The following NLK variants were observed in gnomAD, a reference collection of about 807,000 sequenced individuals.
NLK encodes serine/threonine-protein kinase NLK.
A neutral mutation model predicts 59.0 loss-of-function variants in NLK; 11 were observed. That is an observed-to-expected ratio of 0.19 (90% CI 0.12 to 0.31). The LOEUF is 0.31. Ranked by LOEUF, NLK falls within the 10% of genes least tolerant of loss-of-function variation. The pLI, the probability that NLK is intolerant of heterozygous loss-of-function variation, is 1.00. For missense variants in NLK, 410 were observed against 661.1 expected (o/e 0.62, Z 4.16); for synonymous variants, 235 against 235.9 (o/e 1.00, Z 0.03).
intron 1 of NLK, among the ~76,000 whole-genome samples, chr17:28,046,932 G>C (rs1315770388): frequency 6.6e-6 from 1 of 152,102 alleles, no homozygotes; most frequent in Non-Finnish European, 1.5e-5. Context: ...TTGCTCTGTT[G>C]CCTTTGTGTA....
chr17:28,202,318 C>T, the NLK span, among the ~76,000 whole-genome samples: 1 of 152,110 alleles, frequency 6.6e-6, no homozygotes, highest in Non-Finnish European at 1.5e-5. Flanking sequence ...ATTGCTTAAG[C>T]CCAGGAGTTT....
chr17:28,095,096 A>G (rs779031988), intron 1 of NLK, among the ~76,000 whole-genome samples: 8 of 152,174 alleles, frequency 5.3e-5, no homozygotes, highest in Non-Finnish European at 1.0e-4. Context: ...GAAGATACAA[A>G]TAATTGCCAC....
intron 4 of NLK, among the ~76,000 whole-genome samples, chr17:28,162,124 T>C (rs1483651209): frequency 6.6e-6 from 1 of 152,082 alleles, no homozygotes; most frequent in African/African-American, 2.4e-5. Context: ...CACGCCATTC[T>C]CCTGCCTCAG....
intron 2 of NLK, among the ~76,000 whole-genome samples, chr17:28,123,336 T>G (rs1037420904): frequency 6.6e-6 from 1 of 152,198 alleles, no homozygotes; most frequent in Non-Finnish European, 1.5e-5. Flanking sequence ...GGAAATAGGT[T>G]ATTAATAGAA....
At chr17:28,104,600 A>G (rs1292562078) in intron 1 of NLK, among the ~76,000 whole-genome samples, 1 of 152,058 alleles carries the variant, frequency 6.6e-6, no homozygotes, top group Non-Finnish European at 1.5e-5. Flanking sequence ...AAATTCAGAT[A>G]GACTTTTTTG....
chr17:28,191,704 G>A (rs1172695006), intron 9 of NLK, among the ~76,000 whole-genome samples: 1 of 152,150 alleles, frequency 6.6e-6, no homozygotes. Flanking sequence ...TCTACTGTAG[G>A]ACATTTTACA....
the NLK span, among the ~76,000 whole-genome samples, chr17:28,202,480 G>A: frequency 2.6e-5 from 4 of 151,992 alleles, no homozygotes; most frequent in Non-Finnish European, 5.9e-5. Flanking sequence ...GAGCCACTGC[G>A]CCTGGCCAGC....
At chr17:28,055,522 G>A (rs546160187) in intron 1 of NLK, among the ~76,000 whole-genome samples, 1 of 151,594 alleles carries the variant, frequency 6.6e-6, no homozygotes, top group Non-Finnish European at 1.5e-5. Flanking sequence ...TTTTTAAGAG[G>A]TGGTGGTCCT....
intron 6 of NLK, chr17:28,171,174 C>G (rs1210985010): frequency 2.0e-5 from 3 of 152,112 alleles, no homozygotes; most frequent in African/African-American, 7.2e-5. Flanking sequence ...ACACTTTTCC[C>G]AAAAAGCTTT....
In NLK at chr17:28,047,110, T is replaced by C. The variant is rs571148776; in HGVS notation, c.458+3779T>C. Among the ~76,000 whole-genome samples, 13 of 152,346 alleles carry C rather than the reference T, an allele frequency of 8.5e-5. No individual in the cohort carries two copies. The East Asian group carries it at 2.5e-3, about 29-fold the overall frequency. On this transcript the variant is annotated intron_variant, in intron 1 of 10. Coordinates refer to ENST00000407008, the MANE Select transcript of NLK (RefSeq NM_016231.5). Reference sequence around the variant, plus strand: ...AAAATGGGGATAATAATAGTACTTATCTCAGGATTGATGTGAAGATTAAGT... The same window carrying C: ...AAAATGGGGATAATAATAGTACTTACCTCAGGATTGATGTGAAGATTAAGT...
chr17:28,156,567 T>TGGGAGG (rs372825870), intron 3 of NLK, among the ~76,000 whole-genome samples: 1,854 of 152,206 alleles, frequency 0.012, 33 homozygotes, highest in African/African-American at 0.042. Context: ...ACTTTTTTTG[T>TGGGAGG]GGGAGGGGGA....
chr17:28,163,679 AG>A (rs1908104709), intron 5 of NLK, 51 bp downstream of exon 5: 2 of 1,054,700 alleles, frequency 1.9e-6, no homozygotes, highest in African/African-American at 3.2e-5. Context: ...ATGTCAGGGC[AG>A]GTTTAAGAAC....
chr17:28,151,883 G>A (rs1284485854), intron 3 of NLK, among the ~76,000 whole-genome samples: 1 of 152,172 alleles, frequency 6.6e-6, no homozygotes, highest in African/African-American at 2.4e-5. Context: ...GAGAGGGAAT[G>A]CCTGCTAGTT....
chr17:28,135,747 A>C (rs897298031), intron 3 of NLK, among the ~76,000 whole-genome samples: 1 of 152,228 alleles, frequency 6.6e-6, no homozygotes, highest in South Asian at 2.1e-4. Context: ...GGTTCTCTTC[A>C]TTGAACACTT....
intron 3 of NLK, among the ~76,000 whole-genome samples, chr17:28,155,228 A>G (rs1011417540): frequency 2.0e-5 from 3 of 152,152 alleles, no homozygotes; most frequent in Non-Finnish European, 2.9e-5. Context: ...ATTTTATTAA[A>G]AGAACAGGCA....
At chr17:28,202,748 T>A in the NLK span, among the ~76,000 whole-genome samples, 1 of 149,370 alleles carries the variant, frequency 6.7e-6, no homozygotes, top group Non-Finnish European at 1.5e-5. Context: ...AATGGTGCAA[T>A]CTCAGCTCAC....
intron 3 of NLK, among the ~76,000 whole-genome samples, chr17:28,140,353 G>C (rs1285129835): frequency 6.6e-6 from 1 of 152,156 alleles, no homozygotes; most frequent in Admixed American, 6.6e-5. Context: ...GGATAGTGCT[G>C]ATGGTTGCAC....
At chr17:28,164,760 C>A (rs1373490879) in intron 5 of NLK, among the ~76,000 whole-genome samples, 1 of 151,910 alleles carries the variant, frequency 6.6e-6, no homozygotes, top group Non-Finnish European at 1.5e-5. Flanking sequence ...AAAATGTTAC[C>A]CACTTTAAAA....
At chr17:28,071,267 G>T (rs1208512354) in intron 1 of NLK, among the ~76,000 whole-genome samples, 1 of 152,174 alleles carries the variant, frequency 6.6e-6, no homozygotes, top group South Asian at 2.1e-4. Context: ...GATTATTTTG[G>T]CTACTCTAGA....
Sources: gnomAD v4.1 joint callset for allele counts (sites outside exome capture counted in the v4.1 genomes callset) on GRCh38, gnomAD v4.1.1 for gene constraint, MANE v1.5 for transcripts, NCBI Gene and HGNC (gene_info 2026-07-23, HGNC 2026-07-21) for gene names.